PCDH15: variants seen among roughly 807,000 people sequenced by gnomAD.
PCDH15 encodes protocadherin related 15, also known as protocadherin-15.
PCDH15 carries 129 observed loss-of-function variants against 178.5 expected under a neutral mutation model. That is an observed-to-expected ratio of 0.72 (90% confidence interval 0.63 to 0.84). PCDH15 has a LOEUF of 0.84. Among genes scored for constraint, PCDH15 ranks in the 40% least tolerant of loss-of-function variants. The pLI, the probability that PCDH15 is intolerant of heterozygous loss-of-function variation, is 0.00. For synonymous variants in PCDH15, 800 were observed against 732.0 expected (o/e 1.09, Z -1.50); for missense variants, 2,230 against 2,099.9 (o/e 1.06, Z -1.21).
chr10:54,916,531 T>C (rs971360939), intron 2 of PCDH15, among the ~76,000 whole-genome samples: 1 of 152,196 alleles, frequency 6.6e-6, no homozygotes, highest in Non-Finnish European at 1.5e-5. Flanking sequence ...GGGTGATTTG[T>C]TTAAAACAAA....
At position 55,346,128 on chromosome 10, in the gene PCDH15, T is replaced by C. The variant is rs184549274; in HGVS notation, c.-155-179477A>G. On this transcript the variant is annotated intron_variant, in intron 2 of 5. Transcript: ENST00000613346. ...CATGTAACACTACACAATAGCTCAT[T>C]TGTCATTTCTAACCCACACAAATAA... 7.9e-5 allele frequency among the ~76,000 whole-genome samples: 12 copies of C among 152,254 alleles called. No individual in the cohort carries two copies. The East Asian group carries it at 2.3e-3, about 29-fold the overall frequency.
intron 5 of PCDH15, among the ~76,000 whole-genome samples, chr10:54,357,745 G>A (rs543902399): frequency 1.1e-4 from 17 of 152,184 alleles, no homozygotes; most frequent in African/African-American, 2.9e-4. Flanking sequence ...GAGGCATCAC[G>A]CTACCTGACT....
intron 2 of PCDH15, among the ~76,000 whole-genome samples, chr10:55,371,407 C>A (rs1442065226): frequency 6.6e-6 from 1 of 152,058 alleles, no homozygotes; most frequent in African/African-American, 2.4e-5. Context: ...AATTTCAGAA[C>A]CACTGCAATA....
chr10:53,930,630 T>C lies in PCDH15; in HGVS notation c.3373+8185A>G, dbSNP rs373023507. On this transcript the variant is annotated intron_variant, in intron 25 of 37. Coordinates refer to ENST00000644397, the MANE Select transcript of PCDH15 (RefSeq NM_001384140.1). ...TATTTGTTTTATCTGAGCTCTTTCC[T>C]CAGCAAAGGAGGACCTTCAGGCCTC... Among the ~76,000 whole-genome samples, 5 of 152,266 alleles carry C rather than the reference T, an allele frequency of 3.3e-5. No individual in the cohort carries two copies. The East Asian group carries it at 9.7e-4, about 29-fold the overall frequency.
In PCDH15 at chr10:54,242,169, TATATATATATATATATATAC is replaced by T. The variant is rs1443126957; in HGVS notation, c.877-5258_877-5239del. 8.8e-4 allele frequency among the ~76,000 whole-genome samples: 90 copies of T among 102,714 alleles called. 1 individual carries two copies. Among genetic ancestry groups the T allele is most frequent in the Middle Eastern group, 5.0e-3 (1 of 202 alleles). The allele number at this position is 102,714 out of a possible 152,430, so 67.4% of individuals were successfully genotyped here. A position where few individuals can be genotyped will look rare whatever the true frequency, so the allele number is the denominator to read the frequency against. ...ATATATATATATATATATATATATA[TATATATATATATATATATAC>T]ACACACACACATACATACATACACA... On this transcript the variant is annotated intron_variant, in intron 8 of 37. Transcript: ENST00000644397.
intron 23 of PCDH15, among the ~76,000 whole-genome samples, chr10:53,945,877 AT>A: frequency 1.1e-5 from 1 of 92,842 alleles, no homozygotes. Context: ...ATATATATAT[AT>A]ATATCACATT....
At chr10:53,924,168 G>C (rs980518756) in intron 25 of PCDH15, among the ~76,000 whole-genome samples, 1 of 152,164 alleles carries the variant, frequency 6.6e-6, no homozygotes, top group African/African-American at 2.4e-5. Flanking sequence ...CTCTGCTTGC[G>C]GGGAGGTGTG....
intron 3 of PCDH15, among the ~76,000 whole-genome samples, chr10:54,525,347 A>G (rs1054370285): frequency 6.6e-6 from 1 of 152,256 alleles, no homozygotes; most frequent in Non-Finnish European, 1.5e-5. Flanking sequence ...ATGAGTGCTC[A>G]TCATTCTGGT....
chr10:54,321,034 G>C (rs1177483798), intron 7 of PCDH15, among the ~76,000 whole-genome samples: 1 of 150,304 alleles, frequency 6.7e-6, no homozygotes, highest in Non-Finnish European at 1.5e-5. Flanking sequence ...CTTTAATAGG[G>C]GTGGTAAACT....
intron 3 of PCDH15, among the ~76,000 whole-genome samples, chr10:54,524,240 C>A (rs1461537483): frequency 6.6e-6 from 1 of 152,126 alleles, no homozygotes; most frequent in Non-Finnish European, 1.5e-5. Flanking sequence ...TGAGAGTGTA[C>A]AATATATTTT....
At position 54,176,954 on chromosome 10, in the gene PCDH15, T is replaced by C. The variant is rs1224107967; in HGVS notation, c.1590+6490A>G. 1.1e-4 allele frequency among the ~76,000 whole-genome samples: 13 copies of C among 118,172 alleles called. No individual in the cohort carries two copies. In the East Asian group the frequency reaches 1.6e-3, roughly 14 times the overall value. The allele number at this position is 118,172 out of a possible 152,430, so 77.5% of individuals were successfully genotyped here. On this transcript the variant is annotated intron_variant, in intron 13 of 37. Coordinates refer to ENST00000644397, the MANE Select transcript of PCDH15 (RefSeq NM_001384140.1). ...AAAAGGATTTGAAAATTTATGTCCA[T>C]GTAAAAAAAAAAACTTAGCATGGAT... is the stretch of plus-strand genomic sequence containing the variant.
intron 2 of PCDH15, among the ~76,000 whole-genome samples, chr10:55,068,018 A>G (rs1397386649): frequency 1.3e-5 from 2 of 151,810 alleles, no homozygotes; most frequent in Non-Finnish European, 2.9e-5. Flanking sequence ...GTTTCAAAAT[A>G]TTTTCTTATA....
At chr10:54,440,652 A>C (rs2075741275) in intron 3 of PCDH15, among the ~76,000 whole-genome samples, 1 of 151,956 alleles carries the variant, frequency 6.6e-6, no homozygotes, top group South Asian at 2.1e-4. Context: ...TAGGTTGTCC[A>C]TTAAAAAACA....
At chr10:55,429,646 C>T (rs1356306383) in intron 2 of PCDH15, among the ~76,000 whole-genome samples, 1 of 152,144 alleles carries the variant, frequency 6.6e-6, no homozygotes, top group Non-Finnish European at 1.5e-5. Context: ...TTGCCTTTTA[C>T]TGATCAGAAG....
rs1235159019 is a variant in PCDH15, at chr10:54,084,334, G to A, written c.1998-4910C>T. Among the ~76,000 whole-genome samples the A allele has an allele frequency of 2.6e-5, 4 of 151,890 alleles. No individual in the cohort carries two copies. The East Asian group carries it at 5.9e-4, about 22-fold the overall frequency. On this transcript the variant is annotated intron_variant, in intron 16 of 37. Transcript: ENST00000644397. ...TAAAAATACAAAAAATTAGCCGGGT[G>A]TGGTGGTGGGTGCCTGTAGTCCCAG...
rs765376505 is a variant in PCDH15 at position 54,146,922 on chromosome 10, GTA to G, written c.1784+6176_1784+6177del. ...TATATATATAGTGTATATATATAGT[GTA>G]TATATATATAATGTATATATATAGT... On this transcript the variant is annotated intron_variant, in intron 14 of 37. Coordinates refer to ENST00000644397, the MANE Select transcript of PCDH15 (RefSeq NM_001384140.1). Among the ~76,000 whole-genome samples the G allele has an allele frequency of 4.2e-4, 34 of 81,844 alleles. 1 individual carries two copies. The highest frequency in any genetic ancestry group is 6.3e-4 in the Admixed American group (5 of 7,876). The allele number at this position is 81,844 out of a possible 152,430, so 53.7% of individuals were successfully genotyped here. A position where few individuals can be genotyped will look rare whatever the true frequency, so the allele number is the denominator to read the frequency against.
chr10:54,994,564 A>G (rs1389173192), intron 2 of PCDH15, among the ~76,000 whole-genome samples: 1 of 152,154 alleles, frequency 6.6e-6, no homozygotes, highest in Non-Finnish European at 1.5e-5. Flanking sequence ...AGATTATAGA[A>G]GTTTACATTA....
intron 2 of PCDH15, among the ~76,000 whole-genome samples, chr10:55,012,161 T>C (rs1840060653): frequency 1.3e-5 from 2 of 152,138 alleles, no homozygotes; most frequent in African/African-American, 4.8e-5. Flanking sequence ...ATCAAGTTGA[T>C]ACTTATTAAC....
chr10:55,139,762 A>T (rs1355760826), intron 2 of PCDH15, among the ~76,000 whole-genome samples: 2 of 151,938 alleles, frequency 1.3e-5, no homozygotes, highest in African/African-American at 4.8e-5. Flanking sequence ...TGTAACTATT[A>T]TATTTTCTTT....
Sources: gnomAD v4.1 joint callset for allele counts (sites outside exome capture counted in the v4.1 genomes callset) on GRCh38, gnomAD v4.1.1 for gene constraint, MANE v1.5 for transcripts, NCBI Gene and HGNC (gene_info 2026-07-23, HGNC 2026-07-21) for gene names.